The following SLC39A14 variants were observed in gnomAD, a reference collection of about 807,000 sequenced individuals.
SLC39A14 encodes the protein solute carrier family 39 member 14.
Under a neutral mutation model 45.5 loss-of-function variants are expected in SLC39A14, and 19 were observed. That is an observed-to-expected ratio of 0.42 (90% CI 0.29 to 0.61). SLC39A14 has a LOEUF of 0.61. Ranked by LOEUF, SLC39A14 falls within the 20% of genes least tolerant of loss-of-function variation. The pLI is 0.22. For missense variants in SLC39A14, 447 were observed against 616.5 expected (o/e 0.73, Z 2.91); for synonymous variants, 264 against 251.3 (o/e 1.05, Z -0.48).
chr8:22,416,863 C>A (rs187782735), intron 7 of SLC39A14, among the ~76,000 whole-genome samples: 4 of 152,270 alleles, frequency 2.6e-5, no homozygotes, highest in East Asian at 3.9e-4. Context: ...AATAAGAGCA[C>A]CTCCTTTTAG....
chr8:22,431,597 A>G (rs540569834), intron 8 of SLC39A14, among the ~76,000 whole-genome samples: 44 of 152,372 alleles, frequency 2.9e-4, no homozygotes, highest in African/African-American at 1.0e-3. Context: ...TTTCATGAGG[A>G]AATACACCAA....
chr8:22,380,454 G>A (rs1400538583), intron 1 of SLC39A14, among the ~76,000 whole-genome samples: 1 of 152,172 alleles, frequency 6.6e-6, no homozygotes, highest in African/African-American at 2.4e-5. Context: ...CACCTCTCTA[G>A]CCCGAGGTGG....
intron 1 of SLC39A14, among the ~76,000 whole-genome samples, chr8:22,399,208 T>G (rs1034986523): frequency 2.0e-5 from 3 of 152,204 alleles, no homozygotes; most frequent in South Asian, 2.1e-4. Context: ...GGCTTCCTCC[T>G]GCAGCTGGGG....
intron 8 of SLC39A14, among the ~76,000 whole-genome samples, chr8:22,429,679 C>T (rs975127957): frequency 5.9e-5 from 9 of 152,186 alleles, no homozygotes; most frequent in Admixed American, 4.6e-4. Flanking sequence ...CCCTGTGCCC[C>T]AGGTGAAAAA....
At chr8:22,407,424 G>T (rs578173724) in intron 2 of SLC39A14, among the ~76,000 whole-genome samples, 3 of 152,016 alleles carry the variant, frequency 2.0e-5, no homozygotes, top group Admixed American at 2.0e-4. Context: ...GCAGTGGCGC[G>T]ATCTCGGCTC....
chr8:22,395,088 C>A lies in SLC39A14; in HGVS notation c.-15-9608C>A, dbSNP rs554457830. Among the ~76,000 whole-genome samples the A allele has an allele frequency of 5.5e-4, 84 of 151,854 alleles. No homozygotes were observed. The South Asian group carries it at 0.017, about 31-fold the overall frequency. Reference sequence around the variant, plus strand: ...GCAGTGGTGCAATATTGGCTCACTGCAACCTTCGCCTCCCGGGTTCAAGCA... The same window carrying A: ...GCAGTGGTGCAATATTGGCTCACTGAAACCTTCGCCTCCCGGGTTCAAGCA... On this transcript the variant is annotated intron_variant, in intron 1 of 8. Coordinates refer to ENST00000381237, the MANE Select transcript of SLC39A14 (RefSeq NM_001128431.4).
chr8:22,411,834 C>A, intron 3 of SLC39A14: 1 of 563,558 alleles, frequency 1.8e-6, no homozygotes. Flanking sequence ...ATGTGAATCA[C>A]TAACAAATTT....
chr8:22,417,924 A>G lies in SLC39A14; in HGVS notation c.1332+89A>G, dbSNP rs551178319. The G allele has an allele frequency of 7.1e-6, 8 of 1,125,310 alleles. No homozygotes were observed. In the East Asian group the frequency reaches 1.8e-4, roughly 25 times the overall value. 69.7% of individuals were successfully genotyped at this position (1,125,310 alleles called of 1,614,324 possible). A position where few individuals can be genotyped will look rare whatever the true frequency, so the allele number is the denominator to read the frequency against. On this transcript the variant is annotated intron_variant, in intron 8 of 8. Transcript: ENST00000381237. ...TTTTTTTTATTTTTATTTTTTTGAG[A>G]TGGAGTCTCACTCTGTCTCCCAGGC...
chr8:22,403,065 C>G (rs1181756408), intron 1 of SLC39A14, among the ~76,000 whole-genome samples: 3 of 152,112 alleles, frequency 2.0e-5, no homozygotes. Context: ...CAGGCTCTGC[C>G]TGCAGGGTTC....
At chr8:22,398,796 C>G (rs1209061093) in intron 1 of SLC39A14, 25 of 978,614 alleles carry the variant, frequency 2.6e-5, no homozygotes, top group Non-Finnish European at 2.9e-5. Flanking sequence ...TGAAGGGTGA[C>G]GGTAGGTGGA....
At chr8:22,377,377 C>G (rs1009591960) in intron 1 of SLC39A14, among the ~76,000 whole-genome samples, 4 of 152,110 alleles carry the variant, frequency 2.6e-5, no homozygotes, top group Non-Finnish European at 5.9e-5. Context: ...CACTTCTCCA[C>G]GGAGTCCTGC....
At chr8:22,423,522 A>C (rs903644561), downstream of SLC39A14, among the ~76,000 whole-genome samples, 8 of 151,962 alleles carry the variant, frequency 5.3e-5, no homozygotes, top group African/African-American at 1.9e-4. Context: ...TTTTTAGTAG[A>C]GACAGGGTTT....
intron 2 of SLC39A14, among the ~76,000 whole-genome samples, chr8:22,405,377 G>C (rs1403234637): frequency 1.3e-5 from 2 of 152,216 alleles, no homozygotes; most frequent in African/African-American, 2.4e-5. Context: ...GCCAGGCATG[G>C]TGGCGGATGC....
chr8:22,370,719 T>C (rs1320890871), intron 1 of SLC39A14, among the ~76,000 whole-genome samples: 1 of 152,160 alleles, frequency 6.6e-6, no homozygotes, highest in Non-Finnish European at 1.5e-5. Context: ...CCTGTGCTTA[T>C]TGAGGGAGGG....
At chr8:22,412,527 T>A (rs7001171) in intron 4 of SLC39A14, among the ~76,000 whole-genome samples, 3 of 152,008 alleles carry the variant, frequency 2.0e-5, no homozygotes, top group Admixed American at 1.3e-4. Flanking sequence ...GCGAGTCTGC[T>A]GCAGCACTGA....
chr8:22,371,414 CTTTTTTTTTTTT>C (rs373230777), intron 1 of SLC39A14, among the ~76,000 whole-genome samples: 2 of 120,124 alleles, frequency 1.7e-5, no homozygotes, highest in Non-Finnish European at 2.0e-5. Context: ...AAATACATGT[CTTTTTTTTTTTT>C]TTTTTTTTTT....
At position 22,419,637 on chromosome 8, in the gene SLC39A14, T is replaced by G. The variant is rs763129568; in HGVS notation, c.1418T>G (p.Leu473Arg). The change falls in exon 9 of 9, where the codon CTG becomes CGG. Residue 473 changes from leucine (L) to arginine (R), a missense_variant. By Grantham distance (102) the Leu-to-Arg change is moderately radical (BLOSUM62 -2). Around this residue, in one of 2 missense-constraint regions of SLC39A14, gnomAD observed 105 missense variants for 188.4 expected, o/e 0.56. Transcript: ENST00000381237. ...IPFIIQNLGL[L>R]TGFTIMVVLT... Reference sequence around the variant, plus strand: ...TTTATCATCCAGAACCTGGGCCTCCTGACTGGATTCACCATCATGGTGGTC... The same window carrying G: ...TTTATCATCCAGAACCTGGGCCTCCGGACTGGATTCACCATCATGGTGGTC... 6.2e-7 allele frequency: 1 copy of G among 1,614,190 alleles called. No homozygotes were observed. The highest frequency in any genetic ancestry group is 1.7e-5 in the Admixed American group (1 of 60,028).
Position 22,370,864 on chromosome 8 carries a change from T to TCTG in SLC39A14, c.-16+3457_-16+3459dup, listed in dbSNP as rs531915265. Among the ~76,000 whole-genome samples, 646 of 152,276 alleles carry TCTG rather than the reference T, an allele frequency of 4.2e-3. 2 individuals are homozygous for TCTG. Among genetic ancestry groups the TCTG allele is most frequent in the Middle Eastern group, 0.014 (4 of 294 alleles). On this transcript the variant is annotated intron_variant, in intron 1 of 8. Coordinates refer to ENST00000381237, the MANE Select transcript of SLC39A14 (RefSeq NM_001128431.4). ...CACCGGGTGTCTGCAGTGGGGCTTC[T>TCTG]CTGACCTCCAGGCTGGTGGGCTGGT...
intron 8 of SLC39A14, 66 bp downstream of exon 8, chr8:22,417,901 T>A (rs746256643): frequency 3.1e-4 from 428 of 1,384,616 alleles, no homozygotes; most frequent in Non-Finnish European, 3.9e-4. Flanking sequence ...TAGGTAGTTT[T>A]TTTTTATTTT....
Sources: allele counts gnomAD v4.1 joint callset (sites outside exome capture counted in the v4.1 genomes callset), GRCh38; gene constraint gnomAD v4.1.1; regional missense constraint gnomAD v4.1.1; transcripts MANE v1.5; gene names NCBI Gene and HGNC (gene_info 2026-07-23, HGNC 2026-07-21).